Variants in PC observed in about 807,000 individuals in gnomAD.
The protein encoded by PC is pyruvate carboxylase, also known as pyruvate carboxylase, mitochondrial.
In PC, 46 loss-of-function variants were observed where a neutral mutation model predicts 107.8. That is an observed-to-expected ratio of 0.43 (90% CI 0.34 to 0.55). PC has a LOEUF of 0.55. Ranked by LOEUF, PC falls within the 20% of genes least tolerant of loss-of-function variation. The pLI, the probability that PC is intolerant of heterozygous loss-of-function variation, is 0.04. For synonymous variants in PC, 662 were observed against 684.7 expected (o/e 0.97, Z 0.52); for missense variants, 1,241 against 1,643.1 (o/e 0.76, Z 4.23).
In PC at chr11:66,873,501, TA is replaced by T. The variant is rs1206451852; in HGVS notation, c.1-1343del. Among the ~76,000 whole-genome samples, 5 of 14,328 alleles carry T rather than the reference TA, an allele frequency of 3.5e-4. 1 individual carries two copies. In the East Asian group the frequency reaches 0.011, roughly 32 times the overall value. 9.4% of individuals were successfully genotyped at this position (14,328 alleles called of 152,430 possible). A position where few individuals can be genotyped will look rare whatever the true frequency, so the allele number is the denominator to read the frequency against. On this transcript the variant is annotated intron_variant, in intron 3 of 22. Transcript: ENST00000393960. ...AATATATAATATTATATATATTATA[TA>T]ATATTATATATTATATTATATATTA...
chr11:66,941,871 G>C (rs1455379407), intron 3 of PC, among the ~76,000 whole-genome samples: 1 of 152,056 alleles, frequency 6.6e-6, no homozygotes, highest in African/African-American at 2.4e-5. Flanking sequence ...GGGAGGCTGA[G>C]GCGGGCAGAT....
intron 3 of PC, among the ~76,000 whole-genome samples, chr11:66,928,080 C>A (rs1411569068): frequency 6.6e-6 from 1 of 152,102 alleles, no homozygotes; most frequent in Admixed American, 6.6e-5. Flanking sequence ...CCAGGGTCTA[C>A]CACCTTCAGA....
intron 3 of PC, among the ~76,000 whole-genome samples, chr11:66,941,228 C>T (rs762864556): frequency 6.6e-6 from 1 of 152,044 alleles, no homozygotes; most frequent in Admixed American, 6.6e-5. Context: ...AAACTGGAAC[C>T]CTCATGCACT....
chr11:66,887,865 C>T (rs1463852905), intron 3 of PC, among the ~76,000 whole-genome samples: 2 of 152,226 alleles, frequency 1.3e-5, no homozygotes, highest in Non-Finnish European at 2.9e-5. Flanking sequence ...TTTCACAGGC[C>T]GAAACCAAGT....
intron 3 of PC, among the ~76,000 whole-genome samples, chr11:66,931,384 GAAAAAAAAAAA>G (rs60081578): frequency 2.4e-5 from 2 of 84,948 alleles, no homozygotes; most frequent in South Asian, 5.1e-4. Flanking sequence ...TCCATCTCAA[GAAAAAAAAAAA>G]AAAAAAAAAA....
intron 3 of PC, among the ~76,000 whole-genome samples, chr11:66,923,014 C>T (rs139679489): frequency 7.9e-5 from 12 of 152,302 alleles, no homozygotes; most frequent in Non-Finnish European, 1.6e-4. Context: ...CATCTTGAGG[C>T]GTGCTGAGCA....
chr11:66,911,320 T>C (rs1948328029), intron 3 of PC, among the ~76,000 whole-genome samples: 1 of 152,018 alleles, frequency 6.6e-6, no homozygotes. Flanking sequence ...TTACCAGTGC[T>C]GTGCCAAGAG....
intron 11 of PC, among the ~76,000 whole-genome samples, chr11:66,865,367 T>C (rs1230532206): frequency 6.6e-6 from 1 of 152,038 alleles, no homozygotes; most frequent in Admixed American, 6.6e-5. Context: ...CTTGCCTCCT[T>C]TGGGGCTCAG....
Position 66,851,870 on chromosome 11 carries a change from G to C in PC, c.1902C>G (p.Ile634Met). The change falls in exon 16 of 23, where the codon ATC becomes ATG. Residue 634 changes from isoleucine to methionine, a missense_variant. By Grantham distance (10) the Ile-to-Met change is conservative (BLOSUM62 1). Transcript: ENST00000393960. ...GCAGCATCTGGAAAGGGATGTTGGGGATGAGCTCCCGGAGCTCCTGCAGCC... is the reference window on the plus strand; with the variant it reads ...GCAGCATCTGGAAAGGGATGTTGGGCATGAGCTCCCGGAGCTCCTGCAGCC... ...WRRLQELREL[I>M]PNIPFQMLLR... The C allele has an allele frequency of 2.5e-6, 4 of 1,614,096 alleles. No individual in the cohort carries two copies. The highest frequency in any genetic ancestry group is 1.3e-5 in the African/African-American group (1 of 75,028).
chr11:66,909,496 G>C (rs1348131370), intron 3 of PC, among the ~76,000 whole-genome samples: 1 of 152,178 alleles, frequency 6.6e-6, no homozygotes, highest in Non-Finnish European at 1.5e-5. Flanking sequence ...ACTCAGCTCT[G>C]CCTGCAATGA....
chr11:66,865,647 C>A (rs1168234141), intron 11 of PC, among the ~76,000 whole-genome samples: 5 of 152,160 alleles, frequency 3.3e-5, no homozygotes, highest in Non-Finnish European at 7.4e-5. Flanking sequence ...CTCTCCCCCA[C>A]CAAGGCTGCC....
intron 3 of PC, among the ~76,000 whole-genome samples, chr11:66,883,804 C>T (rs746737908): frequency 7.9e-5 from 12 of 152,004 alleles, no homozygotes; most frequent in Non-Finnish European, 1.3e-4. Flanking sequence ...TAAGATTCAC[C>T]GTGAGGCGTG....
At chr11:66,875,422 G>C (rs567746681) in intron 3 of PC, among the ~76,000 whole-genome samples, 11 of 152,232 alleles carry the variant, frequency 7.2e-5, no homozygotes, top group African/African-American at 2.4e-4. Context: ...GCTCACAGAG[G>C]GGGAAGAGCA....
chr11:66,858,388 C>G lies in PC; in HGVS notation c.1369-5005G>C. ...ACGCTGGCTCCGGACCCGCTTTTCT[C>G]TCGTGGGCGTGATGCAGAGGCCTCT... On this transcript the variant is annotated intron_variant, in intron 12 of 22. Coordinates refer to ENST00000393960, the MANE Select transcript of PC (RefSeq NM_001040716.2). The surrounding 1 kb of genome is among the most constrained non-coding windows in gnomAD (Gnocchi z 5.9). 6.4e-7 allele frequency: 1 copy of G among 1,569,050 alleles called. No homozygotes were observed. The highest frequency in any genetic ancestry group is 2.4e-5 in the East Asian group (1 of 42,534).
chr11:66,870,674 C>T lies in PC; in HGVS notation c.751+101G>A, dbSNP rs1946689350. On this transcript the variant is annotated intron_variant, in intron 8 of 22. Transcript: ENST00000393960. This position sits in a 1 kb window ranked among gnomAD's most constrained non-coding sequence, Gnocchi z 6.1. Reference sequence around the variant, plus strand: ...GTCCTCTGGAAAAGCGCCCGACAGGCCCCAGGGCTGTCCCCAAGGCCAGCC... The same window carrying T: ...GTCCTCTGGAAAAGCGCCCGACAGGTCCCAGGGCTGTCCCCAAGGCCAGCC... 3.1e-6 allele frequency: 4 copies of T among 1,281,902 alleles called. No homozygotes were observed. Among genetic ancestry groups the T allele is most frequent in the Admixed American group, 1.7e-5 (1 of 59,436 alleles). 79.4% of individuals were successfully genotyped at this position (1,281,902 alleles called of 1,614,324 possible).
chr11:66,938,759 A>C (rs1338626443), intron 3 of PC, among the ~76,000 whole-genome samples: 1 of 152,142 alleles, frequency 6.6e-6, no homozygotes, highest in Non-Finnish European at 1.5e-5. Context: ...TATGGTAATA[A>C]ATTTAGAGTG....
intron 3 of PC, chr11:66,919,779 T>C (rs370803063): frequency 2.6e-5 from 4 of 152,198 alleles, no homozygotes; most frequent in African/African-American, 7.2e-5. Context: ...ACAGCACTTT[T>C]AGAATTTGTC....
chr11:66,874,859 G>A (rs1470869014), intron 3 of PC, among the ~76,000 whole-genome samples: 1 of 152,226 alleles, frequency 6.6e-6, no homozygotes, highest in African/African-American at 2.4e-5. Flanking sequence ...GGGTTTGGGG[G>A]CTGGATATTA....
chr11:66,902,957 G>A, intron 3 of PC, among the ~76,000 whole-genome samples: 1 of 152,242 alleles, frequency 6.6e-6, no homozygotes, highest in Admixed American at 6.5e-5. Flanking sequence ...AAGCCGGGCT[G>A]TCAGGCGCCT....
Sources: allele counts gnomAD v4.1 joint callset (sites outside exome capture counted in the v4.1 genomes callset), GRCh38; gene constraint gnomAD v4.1.1; non-coding constraint Gnocchi (gnomAD v3.1); transcripts MANE v1.5; gene names NCBI Gene and HGNC (gene_info 2026-07-23, HGNC 2026-07-21).